TMTC4: variants seen among roughly 807,000 people sequenced by gnomAD.
TMTC4 encodes the protein protein O-mannosyl-transferase TMTC4.
TMTC4 carries 65 observed loss-of-function variants against 86.0 expected under a neutral mutation model. The observed-to-expected ratio is 0.76, with a 90% CI of 0.62 to 0.93. TMTC4 has a LOEUF of 0.93. Ranked by LOEUF, TMTC4 falls within the 40% of genes least tolerant of loss-of-function variation. TMTC4 has a pLI of 0.00. For synonymous variants in TMTC4, 379 were observed against 382.5 expected (o/e 0.99, Z 0.11); for missense variants, 866 against 948.1 (o/e 0.91, Z 1.14).
rs1271163665 is a variant in TMTC4 at position 100,637,871 on chromosome 13, A to C, written c.834+59T>G. On this transcript the variant is annotated intron_variant, in intron 8 of 18. Coordinates refer to ENST00000342624, the MANE Select transcript of TMTC4 (RefSeq NM_032813.5). ...AAGGAATATTTGAGAATGGCATTTTAAATCAGCTGGTACTTGACATTTTCC... is the reference window on the plus strand; with the variant it reads ...AAGGAATATTTGAGAATGGCATTTTCAATCAGCTGGTACTTGACATTTTCC... The C allele has an allele frequency of 1.9e-6, 3 of 1,548,634 alleles. No homozygotes were observed. In the Admixed American group the frequency reaches 5.5e-5, roughly 28 times the overall value.
At position 100,627,521 on chromosome 13, in the gene TMTC4, C is replaced by T. The variant is rs1880740064; in HGVS notation, c.1507-1371G>A. Among the ~76,000 whole-genome samples, 3 of 152,238 alleles carry T rather than the reference C, an allele frequency of 2.0e-5. No individual in the cohort carries two copies. In the South Asian group the frequency reaches 6.2e-4, roughly 32 times the overall value. ...TTCCGGCTTGCAGATGCCTCGCTCC[C>T]ACCTCTGCCTCTGTCTTCATGACCA... On this transcript the variant is annotated intron_variant, in intron 12 of 18. Coordinates refer to ENST00000342624, the MANE Select transcript of TMTC4 (RefSeq NM_032813.5).
intron 2 of TMTC4, among the ~76,000 whole-genome samples, chr13:100,669,720 TC>T (rs904314118): frequency 2.0e-5 from 3 of 152,026 alleles, no homozygotes; most frequent in African/African-American, 7.2e-5. Context: ...CCTAACAGCT[TC>T]CCGCCTTGGA....
chr13:100,671,024 A>G (rs1887028148), intron 1 of TMTC4, among the ~76,000 whole-genome samples: 1 of 152,240 alleles, frequency 6.6e-6, no homozygotes, highest in African/African-American at 2.4e-5. Flanking sequence ...ACATGGGGAG[A>G]AATTTTAGAA....
rs755848135 is a variant in TMTC4 at position 100,656,447 on chromosome 13, C to T, written c.574G>A (p.Ala192Thr). 5.6e-6 allele frequency: 9 copies of T among 1,611,484 alleles called. No homozygotes were observed. In the South Asian group the frequency reaches 8.8e-5, roughly 16 times the overall value. ...AAGAACAGGGCACACAGGAGGTCTG[C>T]ACGGCCGACAACACCAGCAACCTTA... is the stretch of plus-strand genomic sequence containing the variant. ...TECVAGVVGR[A>T]DLLCALFFLL... The change falls in exon 6 of 19, where the codon GCA becomes ACA. Residue 192 changes from alanine (A) to threonine (T), a missense_variant. Physicochemically the swap from Ala to Thr is moderately conservative, Grantham distance 58. Transcript: ENST00000342624.
At position 100,662,522 on chromosome 13, in the gene TMTC4, TA is replaced by T. The variant is rs139772833; in HGVS notation, c.552+441del. ...ATGTTAAGTCTAAGAAAGGATTTTA[TA>T]AATCACAAAGCTGTCAGCGAACACA... On this transcript the variant is annotated intron_variant, in intron 5 of 18. Coordinates refer to ENST00000342624, the MANE Select transcript of TMTC4 (RefSeq NM_032813.5). 2.0e-3 allele frequency among the ~76,000 whole-genome samples: 311 copies of T among 152,210 alleles called. 1 individual carries two copies. Among genetic ancestry groups the T allele is most frequent in the African/African-American group, 7.2e-3 (301 of 41,552 alleles).
intron 5 of TMTC4, among the ~76,000 whole-genome samples, chr13:100,660,905 C>T (rs767389036): frequency 2.0e-5 from 3 of 152,146 alleles, no homozygotes; most frequent in Non-Finnish European, 2.9e-5. Flanking sequence ...CCACCTGCTT[C>T]GGCCTCCCGA....
chr13:100,637,901 C>T, intron 8 of TMTC4, 29 bp downstream of exon 8: 1 of 1,577,546 alleles, frequency 6.3e-7, no homozygotes, highest in Non-Finnish European at 8.7e-7. Flanking sequence ...TTTTCCATGT[C>T]TGGGCTGGAG....
intron 7 of TMTC4, among the ~76,000 whole-genome samples, chr13:100,640,168 G>A (rs1267383300): frequency 7.3e-5 from 11 of 151,588 alleles, no homozygotes; most frequent in African/African-American, 2.4e-4. Flanking sequence ...TCTCAGGGAC[G>A]ATTTTGCCCT....
At chr13:100,626,231 G>T in intron 12 of TMTC4, 81 bp from the exon 13 acceptor site, 1 of 1,427,972 alleles carries the variant, frequency 7.0e-7, no homozygotes, top group Non-Finnish European at 9.9e-7. Context: ...TCTAACTGAA[G>T]ACAAAAGGTA....
intron 15 of TMTC4, among the ~76,000 whole-genome samples, chr13:100,623,145 G>C (rs971721754): frequency 1.3e-5 from 2 of 152,224 alleles, no homozygotes; most frequent in African/African-American, 4.8e-5. Flanking sequence ...TGATTACCCT[G>C]TTATCCAAGT....
At chr13:100,607,527 A>ATGGCCTGTGGTACCCCTG (rs1566552844) in intron 17 of TMTC4, among the ~76,000 whole-genome samples, 10 of 152,018 alleles carry the variant, frequency 6.6e-5, no homozygotes, top group African/African-American at 2.4e-4. Flanking sequence ...AAAAAAAAAA[A>ATGGCCTGTGGTACCCCTG]AAAAATCGGT....
upstream of TMTC4, chr13:100,674,856 C>A: frequency 1.0e-5 from 10 of 958,598 alleles, no homozygotes; most frequent in Non-Finnish European, 1.2e-5. Context: ...GCGCACCCGA[C>A]CCCCCCCGCG....
rs757579187 is a variant in TMTC4, at chr13:100,670,393, CAGA to C, written c.-34_-32del. 2 of 1,599,578 alleles carry C rather than the reference CAGA, an allele frequency of 1.3e-6. No homozygotes were observed. The highest frequency in any genetic ancestry group is 8.5e-7 in the Non-Finnish European group (1 of 1,175,028). On this transcript the variant is annotated 5_prime_UTR_variant, in exon 2 of 19. Coordinates refer to ENST00000342624, the MANE Select transcript of TMTC4 (RefSeq NM_032813.5). ...GGTGATGCTGTCCCCTTCCAGGGGC[CAGA>C]AGGAGGCTCAGATTTACAATCCAGA...
intron 3 of TMTC4, among the ~76,000 whole-genome samples, chr13:100,668,096 C>T (rs1886611156): frequency 6.6e-6 from 1 of 152,182 alleles, no homozygotes; most frequent in African/African-American, 2.4e-5. Context: ...CAGCTGTCAG[C>T]AGGCTGTCCC....
At chr13:100,654,784 A>G (rs1884872842) in intron 6 of TMTC4, among the ~76,000 whole-genome samples, 1 of 152,126 alleles carries the variant, frequency 6.6e-6, no homozygotes, top group African/African-American at 2.4e-5. Context: ...ATTTCACAAG[A>G]GCAATCTTTA....
At chr13:100,643,551 A>C (rs532538073) in intron 6 of TMTC4, among the ~76,000 whole-genome samples, 1 of 152,400 alleles carries the variant, frequency 6.6e-6, no homozygotes, top group East Asian at 1.9e-4. Flanking sequence ...ATGACAACAC[A>C]TAAGAAATTG....
chr13:100,669,768 G>T (rs11620292), intron 2 of TMTC4, among the ~76,000 whole-genome samples: 7 of 151,758 alleles, frequency 4.6e-5, no homozygotes, highest in Non-Finnish European at 1.0e-4. Context: ...CCCCAAACTC[G>T]CACTTTTTTA....
At chr13:100,671,480 C>G (rs1425122028) in intron 1 of TMTC4, among the ~76,000 whole-genome samples, 1 of 152,162 alleles carries the variant, frequency 6.6e-6, no homozygotes, top group East Asian at 1.9e-4. Context: ...TAATCATGTT[C>G]CAAGCCACAG....
chr13:100,628,523 T>A (rs551543466), intron 12 of TMTC4, among the ~76,000 whole-genome samples: 107 of 152,272 alleles, frequency 7.0e-4, no homozygotes, highest in African/African-American at 2.5e-3. Flanking sequence ...AATTGAATTG[T>A]TGGATCACAG....
Sources: allele counts gnomAD v4.1 joint callset (sites outside exome capture counted in the v4.1 genomes callset), GRCh38; gene constraint gnomAD v4.1.1; transcripts MANE v1.5; gene names NCBI Gene and HGNC (gene_info 2026-07-23, HGNC 2026-07-21).